SLC16A5: variants seen among roughly 807,000 people sequenced by gnomAD.
The protein encoded by SLC16A5 is monocarboxylate transporter 6.
SLC16A5 carries 29 observed loss-of-function variants against 33.2 expected under a neutral mutation model. That is an observed-to-expected ratio of 0.87 (90% CI 0.65 to 1.19). The LOEUF (loss-of-function observed/expected upper bound fraction) is 1.19, where lower values mean the gene tolerates loss of function less well. SLC16A5 is among the 50% of genes most tolerant of loss of function. The pLI, the probability that SLC16A5 is intolerant of heterozygous loss-of-function variation, is 0.00. For missense variants in SLC16A5, 606 were observed against 678.2 expected, an observed-to-expected ratio of 0.89 and a Z score of 1.18; for synonymous variants, 248 against 284.1, an observed-to-expected ratio of 0.87 and a Z score of 1.28.
At chr17:75,104,986 C>G in intron 6 of SLC16A5, 1 of 985,448 alleles carries the variant, frequency 1.0e-6, no homozygotes, top group African/African-American at 1.7e-5. Context: ...GGCCTCCATA[C>G]CGTTCTGAAG....
chr17:75,093,942 C>G, intron 3 of SLC16A5, 107 bp downstream of exon 3: 1 of 1,463,560 alleles, frequency 6.8e-7, no homozygotes, highest in Non-Finnish European at 9.1e-7. Context: ...GGCTTTGCCT[C>G]CTGGGTGAAT....
At chr17:75,091,179 G>C (rs2073632804) in intron 2 of SLC16A5, among the ~76,000 whole-genome samples, 1 of 152,162 alleles carries the variant, frequency 6.6e-6, no homozygotes, top group African/African-American at 2.4e-5. Context: ...GGGAGGAAGA[G>C]GTGAGAGTAT....
intron 3 of SLC16A5, 63 bp from the exon 4 acceptor site, chr17:75,097,975 A>G (rs1358906121): frequency 2.1e-6 from 3 of 1,458,200 alleles, no homozygotes; most frequent in Non-Finnish European, 2.7e-6. Flanking sequence ...CTCTCCAGCC[A>G]CTCTCCTCCT....
In SLC16A5 at chr17:75,100,819, G is replaced by A; in HGVS notation, c.1153+3G>A. On this transcript the variant is annotated splice_donor_region_variant and intron_variant, in intron 5 of 6. Coordinates refer to ENST00000329783, the MANE Select transcript of SLC16A5 (RefSeq NM_004695.4). ...CCTCATCTCCCCACCACTGGCCGGT[G>A]AGGAGCTGGGAGGGAGGGCAGCCAG... 1.9e-6 allele frequency: 3 copies of A among 1,572,982 alleles called. No homozygotes were observed. The highest frequency in any genetic ancestry group is 2.6e-6 in the Non-Finnish European group (3 of 1,155,716).
chr17:75,102,606 G>A (rs961313466), intron 5 of SLC16A5, among the ~76,000 whole-genome samples: 1 of 152,186 alleles, frequency 6.6e-6, no homozygotes, highest in African/African-American at 2.4e-5. Context: ...TAAAGCCCTC[G>A]GTACCGGGGA....
At chr17:75,108,366 C>T (rs965739705), downstream of SLC16A5, among the ~76,000 whole-genome samples, 6 of 152,274 alleles carry the variant, frequency 3.9e-5, no homozygotes, top group African/African-American at 1.4e-4. Flanking sequence ...AGCCAAAGGG[C>T]TTTGGTGAGG....
In SLC16A5 at chr17:75,100,317, A is replaced by G. The variant is rs1022917621; in HGVS notation, c.654A>G (p.Ala218=). ...CACCTGCACTTGGCTGCCTGGCTGCATGCGGCCGGACCATCCAGCGCCACC... is the reference window on the plus strand; with the variant it reads ...CACCTGCACTTGGCTGCCTGGCTGCGTGCGGCCGGACCATCCAGCGCCACC... ...PETPALGCLA[A]CGRTIQRHLA... is the part of the protein sequence containing the mutation. Residue 218 remains alanine (A), a synonymous_variant, in exon 5 of 7, where the codon GCA becomes GCG. Transcript: ENST00000329783. The G allele has an allele frequency of 1.2e-6, 2 of 1,613,984 alleles. No individual in the cohort carries two copies. Among genetic ancestry groups the G allele is most frequent in the African/African-American group, 2.7e-5 (2 of 74,914 alleles).
upstream of SLC16A5, chr17:75,087,594 A>T (rs2073584757): frequency 6.6e-6 from 1 of 152,246 alleles, no homozygotes. Flanking sequence ...TGGGCAGGGA[A>T]AACGCAGAAA....
chr17:75,094,949 A>C (rs1598148220), intron 3 of SLC16A5, among the ~76,000 whole-genome samples: 2 of 151,974 alleles, frequency 1.3e-5, no homozygotes, highest in Non-Finnish European at 1.5e-5. Context: ...GGACACAGGG[A>C]CCTGCCCTCA....
At chr17:75,106,579 CCT>C (rs1290431336), downstream of SLC16A5, among the ~76,000 whole-genome samples, 10 of 145,868 alleles carry the variant, frequency 6.9e-5, no homozygotes, top group Non-Finnish European at 1.5e-5. Flanking sequence ...ACAGCAAGAC[CCT>C]GTCTTTTTTT....
In SLC16A5 at chr17:75,100,777, C is replaced by G; in HGVS notation, c.1114C>G (p.Leu372Val). The stretch of plus-strand genomic sequence containing the variant: ...CAGAGCCCTGGGACTCTTCACTGTC[C>G]TGGACGGCCTTGCTTTCCTCATCTC... ...FPRALGLFTVLDGLAFLISPP... is the reference protein window; with the variant it reads ...FPRALGLFTVVDGLAFLISPP... The change falls in exon 5 of 7, where the codon CTG becomes GTG. Residue 372 changes from leucine (L) to valine (V), a missense_variant. Transcript: ENST00000329783. 1.2e-6 allele frequency: 2 copies of G among 1,609,828 alleles called. No homozygotes were observed. Among genetic ancestry groups the G allele is most frequent in the Non-Finnish European group, 1.7e-6 (2 of 1,177,114 alleles).
chr17:75,105,323 G>GT (rs2073849721), intron 6 of SLC16A5: 3 of 985,340 alleles, frequency 3.0e-6, no homozygotes, highest in Non-Finnish European at 3.6e-6. Context: ...TTAGTGCCAG[G>GT]TGGGGGAAGC....
At chr17:75,103,846 C>G (rs1297250608) in intron 5 of SLC16A5, 124 bp from the exon 6 acceptor site, 2 of 792,482 alleles carry the variant, frequency 2.5e-6, no homozygotes, top group East Asian at 4.9e-5. Context: ...TGAGTGTCTA[C>G]TGGGTGTCAG....
In SLC16A5 at chr17:75,095,623, G is replaced by A. The variant is rs559075548; in HGVS notation, c.199+1788G>A. ...AGCGATCCTGCCACCTCAGCCTCCC[G>A]AGTAGCTGGGACCACAGGTGTGCAC... On this transcript the variant is annotated intron_variant, in intron 3 of 6. Transcript: ENST00000329783. Among the ~76,000 whole-genome samples, 7 of 151,742 alleles carry A rather than the reference G, an allele frequency of 4.6e-5. No homozygotes were observed. In the East Asian group the frequency reaches 7.8e-4, roughly 17 times the overall value.
Position 75,100,197 on chromosome 17 carries a change from C to A in SLC16A5, c.534C>A (p.Ile178=), listed in dbSNP as rs751902386. The A allele has an allele frequency of 6.2e-7, 1 of 1,614,238 alleles. No homozygotes were observed. Among genetic ancestry groups the A allele is most frequent in the Non-Finnish European group, 8.5e-7 (1 of 1,180,048 alleles). The change falls in exon 5 of 7, where the codon ATC becomes ATA. Residue 178 remains isoleucine (I), a synonymous_variant. Coordinates refer to ENST00000329783, the MANE Select transcript of SLC16A5 (RefSeq NM_004695.4). ...WRGTFLVFGG[I]FLHCCICGAI... ...GTACCTTCCTTGTCTTCGGCGGGATCTTTCTCCACTGCTGCATCTGCGGGG... is the reference window on the plus strand; with the variant it reads ...GTACCTTCCTTGTCTTCGGCGGGATATTTCTCCACTGCTGCATCTGCGGGG...
At chr17:75,101,022 G>T (rs1365417294) in intron 5 of SLC16A5, among the ~76,000 whole-genome samples, 1 of 152,070 alleles carries the variant, frequency 6.6e-6, no homozygotes, top group African/African-American at 2.4e-5. Context: ...GCCGGGGCGG[G>T]CAGATCATGA....
chr17:75,095,942 A>G (rs925613293), intron 3 of SLC16A5, among the ~76,000 whole-genome samples: 1 of 151,638 alleles, frequency 6.6e-6, no homozygotes, highest in African/African-American at 2.4e-5. Context: ...TACAGGTGTG[A>G]GCCACCACGC....
At chr17:75,090,632 T>C (rs938619258) in intron 2 of SLC16A5, among the ~76,000 whole-genome samples, 1 of 151,858 alleles carries the variant, frequency 6.6e-6, no homozygotes, top group African/African-American at 2.4e-5. Flanking sequence ...GGCTAATTAT[T>C]GTATTTTTAG....
At chr17:75,105,689 G>T (rs913589798) in intron 6 of SLC16A5, 191 bp from the exon 7 acceptor site, 1 of 985,434 alleles carries the variant, frequency 1.0e-6, no homozygotes, top group Non-Finnish European at 1.2e-6. Context: ...ACACAAAAAT[G>T]TTCCCTGCAG....
Sources: gnomAD v4.1 joint callset for allele counts (sites outside exome capture counted in the v4.1 genomes callset) on GRCh38, gnomAD v4.1.1 for gene constraint, MANE v1.5 for transcripts, NCBI Gene and HGNC (gene_info 2026-07-23, HGNC 2026-07-21) for gene names.